The following GRIK1 variants were observed in gnomAD, a reference collection of about 807,000 sequenced individuals.
GRIK1 encodes glutamate ionotropic receptor kainate type subunit 1, also known as glutamate receptor ionotropic, kainate 1.
A neutral mutation model predicts 105.7 loss-of-function variants in GRIK1; 69 were observed. The ratio of observed to expected loss-of-function variants is 0.65; its 90% CI spans 0.54 to 0.80. GRIK1 has a LOEUF of 0.80. Ranked by LOEUF, GRIK1 falls within the 30% of genes least tolerant of loss-of-function variation. GRIK1 has a pLI of 0.00. For missense variants in GRIK1, 1,109 were observed against 1,167.3 expected (o/e 0.95, Z 0.73); for synonymous variants, 438 against 431.3 (o/e 1.02, Z -0.19).
intron 1 of GRIK1, among the ~76,000 whole-genome samples, chr21:29,873,915 A>G (rs1230795438): frequency 6.6e-6 from 1 of 152,130 alleles, no homozygotes; most frequent in African/African-American, 2.4e-5. Flanking sequence ...AAACTGTTCC[A>G]CCTCAGACCA....
intron 1 of GRIK1, among the ~76,000 whole-genome samples, chr21:29,876,287 G>A (rs116728693): frequency 0.011 from 1,710 of 152,186 alleles, 39 homozygotes; most frequent in African/African-American, 0.039. Flanking sequence ...AAAGTGCTTA[G>A]TGTGATATCT....
At chr21:29,666,162 G>C (rs555270268) in intron 4 of GRIK1, among the ~76,000 whole-genome samples, 34 of 152,316 alleles carry the variant, frequency 2.2e-4, no homozygotes, top group African/African-American at 8.2e-4. Context: ...CCAGCACTTT[G>C]GGAGGCCAAG....
chr21:29,906,413 C>G (rs1416004170), intron 1 of GRIK1, among the ~76,000 whole-genome samples: 1 of 152,104 alleles, frequency 6.6e-6, no homozygotes, highest in Non-Finnish European at 1.5e-5. Context: ...ATATAACATA[C>G]TGATAAAATA....
intron 1 of GRIK1, among the ~76,000 whole-genome samples, chr21:29,884,193 A>T (rs2069525033): frequency 6.6e-6 from 1 of 152,084 alleles, no homozygotes; most frequent in African/African-American, 2.4e-5. Flanking sequence ...AGTTGAAAGA[A>T]CAGGCAGAGG....
chr21:29,670,644 C>G (rs903726376), intron 4 of GRIK1, among the ~76,000 whole-genome samples: 2 of 152,172 alleles, frequency 1.3e-5, no homozygotes, highest in African/African-American at 4.8e-5. Context: ...AAATCATTCT[C>G]TTAAATGTAA....
In GRIK1 at chr21:29,669,757, C is replaced by CCT. The variant is rs1443895245; in HGVS notation, c.726+3224_726+3225dup. 2.0e-5 allele frequency among the ~76,000 whole-genome samples: 3 copies of CCT among 152,062 alleles called. No individual in the cohort carries two copies. The East Asian group carries it at 5.8e-4, about 29-fold the overall frequency. ...CACCTTTGTTGGCACCTCTTAGGAC[C>CCT]CTCAGTAAAAGAGGTAAGTCTCCTT... On this transcript the variant is annotated intron_variant, in intron 4 of 17. Coordinates refer to ENST00000327783, the MANE Select transcript of GRIK1 (RefSeq NM_001330994.2).
At chr21:29,830,350 C>A (rs887688223) in intron 1 of GRIK1, among the ~76,000 whole-genome samples, 1 of 140,456 alleles carries the variant, frequency 7.1e-6, no homozygotes, top group African/African-American at 2.8e-5. Context: ...CACACACACA[C>A]ACACACACAC....
At chr21:29,920,512 C>T (rs534932938) in intron 1 of GRIK1, among the ~76,000 whole-genome samples, 13 of 152,186 alleles carry the variant, frequency 8.5e-5, no homozygotes, top group East Asian at 1.9e-4. Flanking sequence ...TTAACCTTGT[C>T]GGTTTTTCCC....
At chr21:29,877,059 G>A (rs569017995) in intron 1 of GRIK1, among the ~76,000 whole-genome samples, 1 of 152,134 alleles carries the variant, frequency 6.6e-6, no homozygotes, top group Non-Finnish European at 1.5e-5. Flanking sequence ...ATAAAAGTTT[G>A]CTAAAATATT....
chr21:29,589,101 A>C, intron 10 of GRIK1, 59 bp from the exon 11 acceptor site: 1 of 913,518 alleles, frequency 1.1e-6, no homozygotes, highest in East Asian at 2.4e-5. Flanking sequence ...AGTTTACCCT[A>C]TCAGCAGCTT....
intron 6 of GRIK1, among the ~76,000 whole-genome samples, chr21:29,647,428 G>T (rs767061881): frequency 6.6e-6 from 1 of 152,106 alleles, no homozygotes; most frequent in Non-Finnish European, 1.5e-5. Flanking sequence ...TTCTTTCATC[G>T]CTGGAGTAGC....
At chr21:29,666,163 G>A (rs139934720) in intron 4 of GRIK1, among the ~76,000 whole-genome samples, 6,121 of 152,228 alleles carry the variant, frequency 0.04, 297 homozygotes, top group East Asian at 0.15. Context: ...CAGCACTTTG[G>A]GAGGCCAAGG....
chr21:29,628,773 T>C (rs1211132460), intron 7 of GRIK1, among the ~76,000 whole-genome samples: 1 of 152,198 alleles, frequency 6.6e-6, no homozygotes, highest in Admixed American at 6.5e-5. Flanking sequence ...AAAATCAGAT[T>C]AGTCAGTCTC....
intron 1 of GRIK1, among the ~76,000 whole-genome samples, chr21:29,750,302 T>C (rs2145641760): frequency 6.8e-6 from 1 of 148,026 alleles, no homozygotes; most frequent in Admixed American, 6.7e-5. Flanking sequence ...TCTTGCTTTC[T>C]TTCTGAATAT....
In GRIK1 at chr21:29,596,549, G is replaced by A. The variant is rs774168985; in HGVS notation, c.1228C>T (p.His410Tyr). 3 of 1,610,232 alleles carry A rather than the reference G, an allele frequency of 1.9e-6. No individual in the cohort carries two copies. The highest frequency in any genetic ancestry group is 2.6e-6 in the Non-Finnish European group (3 of 1,176,470). The change falls in exon 9 of 18, where the codon CAC becomes TAC. Residue 410 changes from histidine to tyrosine, a missense_variant. Transcript: ENST00000327783. ...TEKAAGEVSKHLYKVWKKIGI... is the reference protein window; with the variant it reads ...TEKAAGEVSKYLYKVWKKIGI... ...ACCTTCTTCCACACTTTATACAAGTGTTTAGACACTTCGCCAGCAGCCTTG... is the reference window on the plus strand; with the variant it reads ...ACCTTCTTCCACACTTTATACAAGTATTTAGACACTTCGCCAGCAGCCTTG...
intron 1 of GRIK1, among the ~76,000 whole-genome samples, chr21:29,824,000 C>T (rs2067376522): frequency 6.6e-6 from 1 of 151,896 alleles, no homozygotes; most frequent in Non-Finnish European, 1.5e-5. Flanking sequence ...ACTAACTTCT[C>T]TGTGGAGAAC....
At chr21:29,745,115 G>A (rs1479886195) in intron 1 of GRIK1, among the ~76,000 whole-genome samples, 1 of 152,180 alleles carries the variant, frequency 6.6e-6, no homozygotes. Context: ...CTTGGTGGCA[G>A]AGTCTCTCTA....
chr21:29,798,172 T>C (rs2066608483), intron 1 of GRIK1, among the ~76,000 whole-genome samples: 1 of 152,204 alleles, frequency 6.6e-6, no homozygotes. Flanking sequence ...CTTGGCTGTC[T>C]GTCTTGCATT....
intron 7 of GRIK1, among the ~76,000 whole-genome samples, chr21:29,623,501 T>C (rs571155442): frequency 6.6e-6 from 1 of 152,288 alleles, no homozygotes; most frequent in East Asian, 1.9e-4. Context: ...ACACCATAAG[T>C]TAATGAGAAA....
Sources: allele counts gnomAD v4.1 joint callset (sites outside exome capture counted in the v4.1 genomes callset), GRCh38; gene constraint gnomAD v4.1.1; transcripts MANE v1.5; gene names NCBI Gene and HGNC (gene_info 2026-07-23, HGNC 2026-07-21).